Variants in KCND2 observed in about 807,000 individuals in gnomAD.
KCND2 encodes A-type voltage-gated potassium channel KCND2.
In KCND2, 16 loss-of-function variants were observed where a neutral mutation model predicts 54.4. The ratio of observed to expected loss-of-function variants is 0.29; its 90% CI spans 0.20 to 0.45. KCND2 has a LOEUF of 0.45. KCND2 is among the 20% of genes least tolerant of loss of function. The pLI, the probability that KCND2 is intolerant of heterozygous loss-of-function variation, is 1.00. For synonymous variants in KCND2, 317 were observed against 310.7 expected, an observed-to-expected ratio of 1.02 and a Z score of -0.21; for missense variants, 486 against 824.2, an observed-to-expected ratio of 0.59 and a Z score of 5.02.
intron 1 of KCND2, among the ~76,000 whole-genome samples, chr7:120,488,284 T>C (rs1276483751): frequency 2.0e-5 from 3 of 152,192 alleles, no homozygotes; most frequent in African/African-American, 4.8e-5. Flanking sequence ...TTTATTTTTA[T>C]AGAAGCATTA....
intron 1 of KCND2, among the ~76,000 whole-genome samples, chr7:120,614,605 C>A (rs11767894): frequency 5.9e-5 from 9 of 152,140 alleles, no homozygotes; most frequent in Admixed American, 5.2e-4. Flanking sequence ...TGTTCCCCAG[C>A]TAAGCCCAAT....
At chr7:120,523,285 G>A (rs1791722663) in intron 1 of KCND2, among the ~76,000 whole-genome samples, 1 of 151,692 alleles carries the variant, frequency 6.6e-6, no homozygotes, top group South Asian at 2.1e-4. Flanking sequence ...ATAATTTTAT[G>A]CAAAAATACA....
chr7:120,601,232 T>TTATTTACTCATATTTCTGACCA (rs1460525648), intron 1 of KCND2, among the ~76,000 whole-genome samples: 1 of 152,150 alleles, frequency 6.6e-6, no homozygotes, highest in African/African-American at 2.4e-5. Context: ...GTACTATATT[T>TTATTTACTCATATTTCTGACCA]TATTTACTCA....
At chr7:120,346,932 G>T (rs900859987) in intron 1 of KCND2, among the ~76,000 whole-genome samples, 2 of 152,184 alleles carry the variant, frequency 1.3e-5, no homozygotes, top group African/African-American at 4.8e-5. Context: ...AGAGGAGGAT[G>T]TGAGAGGTTA....
At chr7:120,562,194 A>T (rs1040636806) in intron 1 of KCND2, among the ~76,000 whole-genome samples, 2 of 152,216 alleles carry the variant, frequency 1.3e-5, no homozygotes, top group African/African-American at 4.8e-5. Flanking sequence ...GAGCATATTG[A>T]GTGAGAAATG....
chr7:120,450,337 G>T (rs1802083919), intron 1 of KCND2, among the ~76,000 whole-genome samples: 1 of 152,122 alleles, frequency 6.6e-6, no homozygotes, highest in Admixed American at 6.5e-5. Context: ...TTTAACCTGG[G>T]AGGTGAGGTT....
intron 1 of KCND2, among the ~76,000 whole-genome samples, chr7:120,628,951 C>G (rs1183196036): frequency 6.6e-6 from 1 of 152,172 alleles, no homozygotes; most frequent in Non-Finnish European, 1.5e-5. Flanking sequence ...CTCGGACTTA[C>G]ATTCTAGTCA....
At chr7:120,696,612 C>T (rs1426858483) in intron 1 of KCND2, among the ~76,000 whole-genome samples, 1 of 152,226 alleles carries the variant, frequency 6.6e-6, no homozygotes, top group African/African-American at 2.4e-5. Context: ...GTGATTAAGT[C>T]ATGAGGGTTC....
At chr7:120,494,288 G>A (rs1006237274) in intron 1 of KCND2, among the ~76,000 whole-genome samples, 1 of 152,004 alleles carries the variant, frequency 6.6e-6, no homozygotes, top group African/African-American at 2.4e-5. Flanking sequence ...TTATCATGAT[G>A]CCTTACACTT....
At chr7:120,419,245 C>T (rs898073271) in intron 1 of KCND2, among the ~76,000 whole-genome samples, 2 of 152,012 alleles carry the variant, frequency 1.3e-5, no homozygotes, top group Non-Finnish European at 2.9e-5. Flanking sequence ...TAGGAAGGGG[C>T]GGCTTTATCC....
At chr7:120,458,981 A>G (rs1036178808) in intron 1 of KCND2, among the ~76,000 whole-genome samples, 6 of 151,336 alleles carry the variant, frequency 4.0e-5, no homozygotes, top group Non-Finnish European at 7.4e-5. Flanking sequence ...AGTATCTAAT[A>G]TATTATTATT....
intron 1 of KCND2, among the ~76,000 whole-genome samples, chr7:120,289,075 CACAGAGAG>C (rs796699773): frequency 0.19 from 4,351 of 22,898 alleles, 87 homozygotes; most frequent in East Asian, 0.37. Context: ...CACACACACA[CACAGAGAG>C]AGAGAGAGAG....
intron 1 of KCND2, among the ~76,000 whole-genome samples, chr7:120,414,262 T>C (rs1022411324): frequency 3.3e-5 from 5 of 152,062 alleles, no homozygotes; most frequent in Non-Finnish European, 7.4e-5. Context: ...TACTCTATAT[T>C]TGAAAAGAGT....
At chr7:120,333,738 A>G (rs920685920) in intron 1 of KCND2, among the ~76,000 whole-genome samples, 12 of 152,112 alleles carry the variant, frequency 7.9e-5, no homozygotes, top group Non-Finnish European at 1.5e-4. Context: ...AGCCACTTCC[A>G]TTCATAGCAA....
rs1415521718 is a variant in KCND2 at position 120,746,014 on chromosome 7, C to A, written c.1702C>A (p.Pro568Thr). The change falls in exon 5 of 6, where the codon CCT (proline) becomes ACT (threonine). Residue 568 changes from proline to threonine, a missense_variant. This residue lies in a region of KCND2 where 202 missense variants were observed against 252.7 expected (regional missense o/e 0.80). Coordinates refer to ENST00000331113, the MANE Select transcript of KCND2 (RefSeq NM_012281.3). ...TIQIRCVERT[P>T]LSNSRSSLNA... ...TCAGATCAGATGTGTGGAGAGAACA[C>A]CTCTGTCTAACAGGTACCTGAGATT... 2 of 1,613,356 alleles carry A rather than the reference C, an allele frequency of 1.2e-6. No homozygotes were observed. The highest frequency in any genetic ancestry group is 3.3e-4 in the Middle Eastern group (2 of 6,056).
At chr7:120,430,694 C>T (rs949414391) in intron 1 of KCND2, among the ~76,000 whole-genome samples, 1 of 152,138 alleles carries the variant, frequency 6.6e-6, no homozygotes, top group African/African-American at 2.4e-5. Context: ...CCTTTCCCAA[C>T]TACATATTTT....
intron 4 of KCND2, among the ~76,000 whole-genome samples, chr7:120,743,825 A>G (rs1336029938): frequency 6.6e-6 from 1 of 152,262 alleles, no homozygotes; most frequent in Non-Finnish European, 1.5e-5. Context: ...AGCCATGTGG[A>G]CAATTTTGAT....
rs138179844 is a variant in KCND2 at position 120,352,432 on chromosome 7, A to G, written c.1115+76685A>G. 4.2e-3 allele frequency among the ~76,000 whole-genome samples: 606 copies of G among 143,836 alleles called. 19 individuals carry two copies. The East Asian group carries it at 0.08, about 19-fold the overall frequency. 94.4% of individuals were successfully genotyped at this position (143,836 alleles called of 152,430 possible). A position where few individuals can be genotyped will look rare whatever the true frequency, so the allele number is the denominator to read the frequency against. ...TACATGCACATATACACACATACAT[A>G]TATACAAATATATATACACACATAC... is the stretch of plus-strand genomic sequence containing the variant. On this transcript the variant is annotated intron_variant, in intron 1 of 5. Coordinates refer to ENST00000331113, the MANE Select transcript of KCND2 (RefSeq NM_012281.3).
intron 1 of KCND2, among the ~76,000 whole-genome samples, chr7:120,375,678 T>C (rs1208599301): frequency 6.6e-6 from 1 of 151,846 alleles, no homozygotes; most frequent in Non-Finnish European, 1.5e-5. Context: ...TGAACCATTC[T>C]CTGGCATTTG....
Sources: allele counts gnomAD v4.1 joint callset (sites outside exome capture counted in the v4.1 genomes callset), GRCh38; gene constraint gnomAD v4.1.1; regional missense constraint gnomAD v4.1.1; transcripts MANE v1.5; gene names NCBI Gene and HGNC (gene_info 2026-07-23, HGNC 2026-07-21).